The following TSHZ2 variants were observed in gnomAD, a reference collection of about 807,000 sequenced individuals.
TSHZ2 encodes the protein teashirt zinc finger homeobox 2.
In TSHZ2, 21 loss-of-function variants were observed where a neutral mutation model predicts 74.4. The observed-to-expected ratio is 0.28, with a 90% confidence interval of 0.20 to 0.41. The LOEUF (loss-of-function observed/expected upper bound fraction) is 0.41, where lower values mean the gene tolerates loss of function less well. TSHZ2 is among the 10% of genes least tolerant of loss of function. The probability of loss-of-function intolerance (pLI) is 1.00; values close to 1 mark genes in which losing one functional copy is unlikely to be tolerated. For synonymous variants in TSHZ2, 540 were observed against 515.3 expected (o/e 1.05, Z -0.65); for missense variants, 1,244 against 1,293.5 (o/e 0.96, Z 0.59).
At chr20:53,389,516 G>C (rs1458640418) in intron 2 of TSHZ2, among the ~76,000 whole-genome samples, 1 of 152,214 alleles carries the variant, frequency 6.6e-6, no homozygotes, top group Admixed American at 6.5e-5. Flanking sequence ...GAAATTCCAG[G>C]CAGAGTGGCC....
chr20:53,323,623 T>C (rs1979373384), intron 2 of TSHZ2, among the ~76,000 whole-genome samples: 1 of 123,858 alleles, frequency 8.1e-6, no homozygotes, highest in African/African-American at 3.1e-5. Flanking sequence ...TCATCCAGGC[T>C]GGAGTGCTGT....
chr20:53,470,285 C>A (rs922992307), intron 2 of TSHZ2, among the ~76,000 whole-genome samples: 2 of 152,214 alleles, frequency 1.3e-5, no homozygotes, highest in African/African-American at 4.8e-5. Context: ...ATTTTATTCA[C>A]TCTAAGAATT....
chr20:53,234,496 G>A (rs1284996008), intron 1 of TSHZ2, among the ~76,000 whole-genome samples: 1 of 152,192 alleles, frequency 6.6e-6, no homozygotes, highest in Non-Finnish European at 1.5e-5. Context: ...AAATTCTGTA[G>A]TAAGCTACAA....
intron 1 of TSHZ2, chr20:53,168,943 T>C (rs1988125310): frequency 6.6e-6 from 1 of 152,172 alleles, no homozygotes; most frequent in Non-Finnish European, 1.5e-5. Context: ...TATTGAATAA[T>C]GTTCAAAATC....
Position 53,450,032 on chromosome 20 carries a change from C to G in TSHZ2, c.*9-37112C>G, listed in dbSNP as rs147181219. Among the ~76,000 whole-genome samples, 7 of 152,306 alleles carry G rather than the reference C, an allele frequency of 4.6e-5. No individual in the cohort carries two copies. The East Asian group carries it at 1.4e-3, about 29-fold the overall frequency. ...CTAGGGCCTGATATGTATAGGTGCT[C>G]AAATGTTTATTGATTGAAGAAATAC... On this transcript the variant is annotated intron_variant, in intron 2 of 2. Coordinates refer to ENST00000371497, the MANE Select transcript of TSHZ2 (RefSeq NM_173485.6).
chr20:53,122,986 T>TCAA (rs1555827333), intron 1 of TSHZ2, among the ~76,000 whole-genome samples: 1 of 152,188 alleles, frequency 6.6e-6, no homozygotes, highest in Non-Finnish European at 1.5e-5. Flanking sequence ...ATTTCCGCTT[T>TCAA]CTACTCTTCC....
chr20:53,312,116 T>A (rs1329860195), intron 2 of TSHZ2, among the ~76,000 whole-genome samples: 1 of 152,106 alleles, frequency 6.6e-6, no homozygotes, highest in African/African-American at 2.4e-5. Context: ...AAATCTTACC[T>A]GTAATGATGC....
intron 1 of TSHZ2, among the ~76,000 whole-genome samples, chr20:53,100,577 T>A (rs1986188929): frequency 6.6e-6 from 1 of 152,204 alleles, no homozygotes; most frequent in Non-Finnish European, 1.5e-5. Flanking sequence ...AGGGGGCATC[T>A]GTTTGCTGTC....
chr20:53,005,381 T>C (rs887743390), intron 1 of TSHZ2, among the ~76,000 whole-genome samples: 6 of 152,156 alleles, frequency 3.9e-5, no homozygotes, highest in African/African-American at 1.4e-4. Flanking sequence ...ATATAAAATG[T>C]TGAAGCTGGA....
At chr20:53,167,567 TTG>T (rs148456384) in intron 1 of TSHZ2, among the ~76,000 whole-genome samples, 11 of 151,086 alleles carry the variant, frequency 7.3e-5, no homozygotes, top group Non-Finnish European at 1.0e-4. Flanking sequence ...GCTTGCTTGT[TTG>T]TGTGTGTGTG....
At chr20:53,427,949 G>A (rs2145727533) in intron 2 of TSHZ2, among the ~76,000 whole-genome samples, 1 of 152,310 alleles carries the variant, frequency 6.6e-6, no homozygotes, top group Non-Finnish European at 1.5e-5. Flanking sequence ...GGCGAGATGG[G>A]TCTGAGATCA....
chr20:53,286,926 C>CACACAT (rs1555846268), intron 2 of TSHZ2, among the ~76,000 whole-genome samples: 1 of 147,408 alleles, frequency 6.8e-6, no homozygotes, highest in African/African-American at 2.5e-5. Context: ...CACACACACA[C>CACACAT]GTAACACTTC....
intron 1 of TSHZ2, among the ~76,000 whole-genome samples, chr20:52,984,169 C>A (rs1981667509): frequency 6.6e-6 from 1 of 152,080 alleles, no homozygotes; most frequent in African/African-American, 2.4e-5. Context: ...TATGAACAAG[C>A]GTGATGTTGG....
At chr20:53,248,051 A>T (rs1371594962) in intron 1 of TSHZ2, among the ~76,000 whole-genome samples, 5 of 152,138 alleles carry the variant, frequency 3.3e-5, no homozygotes, top group South Asian at 2.1e-4. Context: ...GTATAGTTTT[A>T]AAAATAATTG....
chr20:53,340,583 CAAAG>C (rs1980157912), intron 2 of TSHZ2, among the ~76,000 whole-genome samples: 2 of 152,288 alleles, frequency 1.3e-5, no homozygotes, highest in East Asian at 1.9e-4. Context: ...TTTCCAAAGA[CAAAG>C]AAACTCAGTG....
chr20:53,283,255 A>G (rs943137106), intron 2 of TSHZ2, among the ~76,000 whole-genome samples: 2 of 152,216 alleles, frequency 1.3e-5, no homozygotes, highest in Non-Finnish European at 2.9e-5. Context: ...CAAATTTGCC[A>G]AACTTCATTA....
chr20:53,245,754 C>G (rs933560657), intron 1 of TSHZ2, among the ~76,000 whole-genome samples: 8 of 152,172 alleles, frequency 5.3e-5, no homozygotes, highest in African/African-American at 1.9e-4. Flanking sequence ...AATACACTTC[C>G]TCTTTTGTCC....
At chr20:53,293,747 G>C (rs1246412039) in intron 2 of TSHZ2, among the ~76,000 whole-genome samples, 12 of 151,320 alleles carry the variant, frequency 7.9e-5, no homozygotes, top group Non-Finnish European at 1.8e-4. Flanking sequence ...GCCAGGCATG[G>C]TGGCTCACAC....
chr20:53,306,235 T>C (rs1978539411), intron 2 of TSHZ2, among the ~76,000 whole-genome samples: 1 of 152,198 alleles, frequency 6.6e-6, no homozygotes, highest in African/African-American at 2.4e-5. Context: ...CCAGCTCATC[T>C]GCTCTTCTTG....
Sources: allele counts gnomAD v4.1 joint callset (sites outside exome capture counted in the v4.1 genomes callset), GRCh38; gene constraint gnomAD v4.1.1; transcripts MANE v1.5; gene names NCBI Gene and HGNC (gene_info 2026-07-23, HGNC 2026-07-21).